Variants in ATXN2 observed in about 807,000 individuals in gnomAD.
ATXN2 encodes the protein ataxin 2, also known as ataxin-2.
ATXN2 carries 37 observed loss-of-function variants against 138.6 expected under a neutral mutation model. That is an observed-to-expected ratio of 0.27 (90% CI 0.21 to 0.35). ATXN2 has a LOEUF of 0.35. ATXN2 is among the 10% of genes least tolerant of loss of function. ATXN2 has a pLI of 1.00. For synonymous variants in ATXN2, 549 were observed against 543.7 expected (o/e 1.01, Z -0.13); for missense variants, 1,216 against 1,480.3 (o/e 0.82, Z 2.93).
chr12:111,509,282 T>G (rs987780625), intron 14 of ATXN2, among the ~76,000 whole-genome samples: 2 of 152,160 alleles, frequency 1.3e-5, no homozygotes, highest in Non-Finnish European at 2.9e-5. Flanking sequence ...AAAGTACAAA[T>G]GACCATCAAA....
At chr12:111,558,469 C>A (rs190783687) in intron 1 of ATXN2, among the ~76,000 whole-genome samples, 1 of 152,134 alleles carries the variant, frequency 6.6e-6, no homozygotes, top group Non-Finnish European at 1.5e-5. Flanking sequence ...ATATGAAATT[C>A]AAGTGTGACT....
Position 111,453,956 on chromosome 12 carries a change from CT to C in ATXN2, c.3271-112del. 22 of 1,088,574 alleles carry C rather than the reference CT, an allele frequency of 2.0e-5. No homozygotes were observed. The highest frequency in any genetic ancestry group is 2.6e-5 in the Non-Finnish European group (20 of 763,434). The allele number at this position is 1,088,574 out of a possible 1,614,324, so 67.4% of individuals were successfully genotyped here. On this transcript the variant is annotated intron_variant, in intron 23 of 24. Coordinates refer to ENST00000673436, the MANE Select transcript of ATXN2 (RefSeq NM_001372574.1). This position sits in a 1 kb window ranked among gnomAD's most constrained non-coding sequence, Gnocchi z 5.4. ...CTCTCAGGAAAGGGCAACGGTGGGC[CT>C]CAGGGCCCAGTTCTGTTCTCTGGGG...
At chr12:111,556,232 T>C (rs1209573709) in intron 1 of ATXN2, among the ~76,000 whole-genome samples, 3 of 152,122 alleles carry the variant, frequency 2.0e-5, no homozygotes, top group Non-Finnish European at 4.4e-5. Context: ...ATAATAATTA[T>C]AGCCAGGCAT....
At chr12:111,525,957 C>T (rs532436518) in intron 5 of ATXN2, among the ~76,000 whole-genome samples, 10 of 151,196 alleles carry the variant, frequency 6.6e-5, no homozygotes, top group Non-Finnish European at 1.3e-4. Flanking sequence ...GCTGGGATTA[C>T]AGGCATGAGC....
intron 1 of ATXN2, among the ~76,000 whole-genome samples, chr12:111,560,790 G>T (rs776588601): frequency 6.6e-6 from 1 of 151,718 alleles, no homozygotes; most frequent in Non-Finnish European, 1.5e-5. Context: ...ACACAGGAAA[G>T]TATAACCCCA....
intron 18 of ATXN2, among the ~76,000 whole-genome samples, chr12:111,474,331 A>C (rs1250089921): frequency 6.6e-6 from 1 of 152,126 alleles, no homozygotes; most frequent in Non-Finnish European, 1.5e-5. Context: ...TGAGGTAGAA[A>C]GATAACTTAA....
intron 1 of ATXN2, among the ~76,000 whole-genome samples, chr12:111,595,044 A>C (rs1884866402): frequency 6.6e-6 from 1 of 152,220 alleles, no homozygotes; most frequent in Admixed American, 6.6e-5. Context: ...TATGCACTTG[A>C]CAGTAAAAAT....
At position 111,518,344 on chromosome 12, in the gene ATXN2, C is replaced by T; in HGVS notation, c.1070G>A (p.Gly357Asp). Reference protein sequence around the residue: ...GSGRQNSPRMGQPGSGSMPSR... With the variant: ...GSGRQNSPRMDQPGSGSMPSR... ...TGGCATGGAGCCCGATCCAGGCTGGCCCATACGCGGTGAATTCTGTCTCCC... is the reference window on the plus strand; with the variant it reads ...TGGCATGGAGCCCGATCCAGGCTGGTCCATACGCGGTGAATTCTGTCTCCC... The change falls in exon 9 of 25, where the codon GGC becomes GAC. Residue 357 changes from glycine (G) to aspartate (D), a missense_variant. Physicochemically the swap from Gly to Asp is moderately conservative, Grantham distance 94. This residue lies in a region of ATXN2 where 401 missense variants were observed against 528.1 expected (regional missense o/e 0.76). Transcript: ENST00000673436. 1 of 1,613,376 alleles carries T rather than the reference C, an allele frequency of 6.2e-7. No homozygotes were observed. The highest frequency in any genetic ancestry group is 8.5e-7 in the Non-Finnish European group (1 of 1,179,484).
chr12:111,570,566 T>C (rs911750280), intron 1 of ATXN2, among the ~76,000 whole-genome samples: 10 of 152,168 alleles, frequency 6.6e-5, no homozygotes, highest in African/African-American at 2.2e-4. Context: ...ACATACACCA[T>C]GTGTATAGCA....
chr12:111,542,861 T>C (rs1337050601), intron 5 of ATXN2, among the ~76,000 whole-genome samples: 1 of 152,240 alleles, frequency 6.6e-6, no homozygotes, highest in Non-Finnish European at 1.5e-5. Context: ...AATAAAATTC[T>C]ATTTTATGCT....
chr12:111,457,157 GCACT>G, intron 22 of ATXN2, 53 bp downstream of exon 22: 1 of 1,557,640 alleles, frequency 6.4e-7, no homozygotes, highest in Middle Eastern at 1.8e-4. Context: ...CCTGAAGAAA[GCACT>G]CAGATACTAG....
intron 1 of ATXN2, among the ~76,000 whole-genome samples, chr12:111,567,498 T>C (rs1290472434): frequency 1.6e-5 from 2 of 126,000 alleles, no homozygotes; most frequent in Non-Finnish European, 3.4e-5. Flanking sequence ...AGACCCCATT[T>C]CAAAAAAAAA....
chr12:111,577,487 G>A (rs535266561), intron 1 of ATXN2, among the ~76,000 whole-genome samples: 4 of 151,216 alleles, frequency 2.6e-5, no homozygotes, highest in African/African-American at 9.7e-5. Context: ...GGATGGTCTC[G>A]ATCTCCTGAC....
chr12:111,467,110 T>C (rs1876078788), intron 20 of ATXN2, among the ~76,000 whole-genome samples: 1 of 151,950 alleles, frequency 6.6e-6, no homozygotes, highest in African/African-American at 2.4e-5. Flanking sequence ...TTATGGCTTA[T>C]GATGGCATAG....
intron 5 of ATXN2, among the ~76,000 whole-genome samples, chr12:111,529,948 GA>G (rs1248644231): frequency 6.6e-6 from 1 of 152,152 alleles, no homozygotes; most frequent in Non-Finnish European, 1.5e-5. Context: ...TGCTTCCAGA[GA>G]AGTCATCAAA....
chr12:111,598,459 G>C lies in ATXN2; in HGVS notation c.251+325C>G. 3 of 985,478 alleles carry C rather than the reference G, an allele frequency of 3.0e-6. No individual in the cohort carries two copies. Among genetic ancestry groups the C allele is most frequent in the Non-Finnish European group, 3.6e-6 (3 of 830,066 alleles). 61.0% of individuals were successfully genotyped at this position (985,478 alleles called of 1,614,324 possible). On this transcript the variant is annotated intron_variant, in intron 1 of 24. Transcript: ENST00000673436. This position sits in a 1 kb window ranked among gnomAD's most constrained non-coding sequence, Gnocchi z 4.5. Reference sequence around the variant, plus strand: ...GCGGGCGGAGGATCGTGCGGAAGGGGGAGCCGGGGCTGACCATCGCCGCTA... The same window carrying C: ...GCGGGCGGAGGATCGTGCGGAAGGGCGAGCCGGGGCTGACCATCGCCGCTA...
chr12:111,547,025 G>A (rs1881831304), intron 5 of ATXN2, among the ~76,000 whole-genome samples: 1 of 152,310 alleles, frequency 6.6e-6, no homozygotes, highest in South Asian at 2.1e-4. Context: ...CTATTTCAAA[G>A]CCTTTTATTC....
chr12:111,557,653 A>C (rs369668009), intron 1 of ATXN2, among the ~76,000 whole-genome samples: 13 of 152,328 alleles, frequency 8.5e-5, no homozygotes, highest in East Asian at 3.9e-4. Context: ...CTGGTATTTA[A>C]ACCAGGTGTA....
intron 14 of ATXN2, among the ~76,000 whole-genome samples, chr12:111,494,840 A>G (rs1878308218): frequency 6.6e-6 from 1 of 152,182 alleles, no homozygotes; most frequent in South Asian, 2.1e-4. Flanking sequence ...GAGGGAGGGA[A>G]AAAAGGAGCG....
Sources: gnomAD v4.1 joint callset for allele counts (sites outside exome capture counted in the v4.1 genomes callset) on GRCh38, gnomAD v4.1.1 for gene constraint, gnomAD v4.1.1 regional missense constraint, Gnocchi (gnomAD v3.1) non-coding constraint, MANE v1.5 for transcripts, NCBI Gene and HGNC (gene_info 2026-07-23, HGNC 2026-07-21) for gene names.